The following QTMAN variants were observed in gnomAD, a reference collection of about 807,000 sequenced individuals.
The protein encoded by QTMAN is tRNA-queuosine alpha-mannosyltransferase.
At chr2:144,049,343 A>G in the QTMAN span, among the ~76,000 whole-genome samples, 1 of 152,216 alleles carries the variant, frequency 6.6e-6, no homozygotes, top group Admixed American at 6.5e-5. Flanking sequence ...GCCTCACACA[A>G]TCGGATGCCT....
the QTMAN span, among the ~76,000 whole-genome samples, chr2:144,157,829 T>C: frequency 6.6e-6 from 1 of 151,954 alleles, no homozygotes; most frequent in African/African-American, 2.4e-5. Flanking sequence ...CTATATGGTA[T>C]CTATATAGTA....
the QTMAN span, among the ~76,000 whole-genome samples, chr2:143,950,089 G>A: frequency 4.0e-5 from 6 of 151,806 alleles, no homozygotes; most frequent in African/African-American, 1.4e-4. Flanking sequence ...AAAATCCATG[G>A]TAGACGATGC....
the QTMAN span, among the ~76,000 whole-genome samples, chr2:144,156,564 T>C: frequency 6.6e-6 from 1 of 152,110 alleles, no homozygotes; most frequent in Non-Finnish European, 1.5e-5. Flanking sequence ...CTCATTTTAA[T>C]ATTAATTACC....
chr2:144,297,338 G>A, the QTMAN span, among the ~76,000 whole-genome samples: 128 of 152,030 alleles, frequency 8.4e-4, no homozygotes, highest in African/African-American at 3.0e-3. Context: ...TGGATTTCAC[G>A]CAAAAACTTT....
the QTMAN span, among the ~76,000 whole-genome samples, chr2:144,199,316 T>C: frequency 6.6e-6 from 1 of 152,210 alleles, no homozygotes; most frequent in Non-Finnish European, 1.5e-5. Context: ...CCCAAAGTAT[T>C]GGGATTACAG....
At chr2:144,332,325 G>C in the QTMAN span, 2 of 149,762 alleles carry the variant, frequency 1.3e-5, no homozygotes, top group African/African-American at 4.9e-5. Flanking sequence ...CTGCCCCTCT[G>C]GGATCTCCGC....
At chr2:144,102,030 CT>C in the QTMAN span, among the ~76,000 whole-genome samples, 1 of 152,174 alleles carries the variant, frequency 6.6e-6, no homozygotes, top group East Asian at 1.9e-4. Flanking sequence ...CACAAAACCC[CT>C]TGTGATCACC....
chr2:144,057,472 T>C, the QTMAN span, among the ~76,000 whole-genome samples: 2 of 152,278 alleles, frequency 1.3e-5, no homozygotes, highest in East Asian at 1.9e-4. Flanking sequence ...GTACCAATCA[T>C]TAAATAAATC....
the QTMAN span, among the ~76,000 whole-genome samples, chr2:143,979,829 A>G: frequency 6.6e-6 from 1 of 152,228 alleles, no homozygotes; most frequent in Non-Finnish European, 1.5e-5. Flanking sequence ...GTTTCAAACA[A>G]TACTAAAAGT....
the QTMAN span, among the ~76,000 whole-genome samples, chr2:144,080,377 A>G: frequency 6.6e-6 from 1 of 152,154 alleles, no homozygotes; most frequent in Non-Finnish European, 1.5e-5. Context: ...GCATAACTCC[A>G]AAGAAGATCC....
chr2:144,168,070 T>C, the QTMAN span, among the ~76,000 whole-genome samples: 1 of 152,186 alleles, frequency 6.6e-6, no homozygotes, highest in Non-Finnish European at 1.5e-5. Flanking sequence ...TTACGGAAAC[T>C]AACTGGCTCT....
At chr2:144,321,459 A>G in the QTMAN span, among the ~76,000 whole-genome samples, 1 of 152,258 alleles carries the variant, frequency 6.6e-6, no homozygotes, top group African/African-American at 2.4e-5. Context: ...ATGGCACTAC[A>G]GAACCCATCT....
At chr2:144,302,966 G>A in the QTMAN span, among the ~76,000 whole-genome samples, 4 of 152,164 alleles carry the variant, frequency 2.6e-5, no homozygotes, top group East Asian at 5.8e-4. Flanking sequence ...GCCAGGCATG[G>A]TTGTGCACAC....
chr2:144,261,615 A>G, the QTMAN span, among the ~76,000 whole-genome samples: 1 of 152,254 alleles, frequency 6.6e-6, no homozygotes, highest in Non-Finnish European at 1.5e-5. Context: ...GCAGGTATGC[A>G]ACAGGAAATG....
chr2:144,165,034 T>C, the QTMAN span, among the ~76,000 whole-genome samples: 1 of 152,150 alleles, frequency 6.6e-6, no homozygotes, highest in African/African-American at 2.4e-5. Context: ...GTTGGGTTCA[T>C]AGCTCACTTT....
At chr2:144,163,666 G>C in the QTMAN span, among the ~76,000 whole-genome samples, 1 of 152,180 alleles carries the variant, frequency 6.6e-6, no homozygotes, top group East Asian at 1.9e-4. Flanking sequence ...GGCAAACAGT[G>C]CCAGAGACTG....
chr2:144,022,516 G>C, the QTMAN span, among the ~76,000 whole-genome samples: 1 of 140,800 alleles, frequency 7.1e-6, no homozygotes, highest in African/African-American at 2.7e-5. Context: ...TTACTATCTA[G>C]CTTCTAGGTT....
chr2:144,073,092 A>C, the QTMAN span, among the ~76,000 whole-genome samples: 4 of 152,118 alleles, frequency 2.6e-5, no homozygotes, highest in Non-Finnish European at 5.9e-5. Context: ...GTATGCATAA[A>C]TTATCTGATC....
At chr2:143,974,297 G>C in the QTMAN span, among the ~76,000 whole-genome samples, 1 of 152,074 alleles carries the variant, frequency 6.6e-6, no homozygotes, top group Non-Finnish European at 1.5e-5. Flanking sequence ...TAAATAATAA[G>C]CCTTAAAATA....
Sources: allele counts gnomAD v4.1 joint callset (sites outside exome capture counted in the v4.1 genomes callset), GRCh38; gene constraint gnomAD v4.1.1; transcripts MANE v1.5; gene names NCBI Gene and HGNC (gene_info 2026-07-23, HGNC 2026-07-21).